Variants in GPATCH2L observed in about 807,000 individuals in gnomAD.
GPATCH2L encodes G-patch domain containing 2 like, also known as G patch domain-containing protein 2-like.
In GPATCH2L, 31 loss-of-function variants were observed where a neutral mutation model predicts 57.4. The observed-to-expected ratio is 0.54, with a 90% CI of 0.41 to 0.73. The LOEUF (loss-of-function observed/expected upper bound fraction) is 0.73, where lower values mean the gene tolerates loss of function less well. Ranked by LOEUF, GPATCH2L falls within the 30% of genes least tolerant of loss-of-function variation. The pLI is 0.00. For synonymous variants in GPATCH2L, 199 were observed against 210.7 expected, an observed-to-expected ratio of 0.94 and a Z score of 0.48; for missense variants, 481 against 599.9, an observed-to-expected ratio of 0.80 and a Z score of 2.07.
chr14:76,233,374 A>C (rs976904800), intron 2 of GPATCH2L, among the ~76,000 whole-genome samples: 7 of 152,212 alleles, frequency 4.6e-5, no homozygotes, highest in Non-Finnish European at 8.8e-5. Flanking sequence ...ATAGATACAA[A>C]GTGGTGGTTT....
chr14:76,184,067 G>T (rs929962055), intron 8 of GPATCH2L, among the ~76,000 whole-genome samples: 1 of 147,306 alleles, frequency 6.8e-6, no homozygotes, highest in Non-Finnish European at 1.5e-5. Flanking sequence ...TGTGTGTGTG[G>T]CGACAATGTT....
chr14:76,216,936 A>G (rs1180455601), downstream of GPATCH2L, among the ~76,000 whole-genome samples: 2 of 152,344 alleles, frequency 1.3e-5, no homozygotes, highest in South Asian at 2.1e-4. Context: ...AAGATGGATT[A>G]TAAAAATGAA....
intron 2 of GPATCH2L, among the ~76,000 whole-genome samples, chr14:76,162,226 A>G (rs973354937): frequency 3.9e-5 from 6 of 152,100 alleles, no homozygotes; most frequent in Admixed American, 3.3e-4. Context: ...GCTCACTCAC[A>G]TGGCTGTTGG....
intron 4 of GPATCH2L, among the ~76,000 whole-genome samples, chr14:76,172,940 C>G (rs2039152776): frequency 6.6e-6 from 1 of 152,148 alleles, no homozygotes; most frequent in African/African-American, 2.4e-5. Flanking sequence ...ATGAACATTT[C>G]TAAAAGTTTC....
Position 76,154,488 on chromosome 14 carries a change from G to A in GPATCH2L, c.125G>A (p.Arg42His). 2 of 1,614,196 alleles carry A rather than the reference G, an allele frequency of 1.2e-6. No homozygotes were observed. Among genetic ancestry groups the A allele is most frequent in the Non-Finnish European group, 1.7e-6 (2 of 1,180,050 alleles). ...PRQQRRQLRKRRGRKRRSDFT... is the reference protein window; with the variant it reads ...PRQQRRQLRKHRGRKRRSDFT... ...CAGCAGAGGCGGCAGCTTCGGAAAC[G>A]CCGAGGTCGGAAGCGTCGTTCTGAC... Residue 42 changes from arginine (R) to histidine (H), a missense_variant, in exon 2 of 10, where the codon CGC becomes CAC. By Grantham distance (29) the Arg-to-His change is conservative. Around this residue, in one of 3 missense-constraint regions of GPATCH2L, gnomAD observed 208 missense variants for 272.4 expected, o/e 0.76. Coordinates refer to ENST00000261530, the MANE Select transcript of GPATCH2L (RefSeq NM_017926.4). This position sits in a 1 kb window ranked among gnomAD's most constrained non-coding sequence, Gnocchi z 4.4.
intron 2 of GPATCH2L, among the ~76,000 whole-genome samples, chr14:76,233,246 C>T (rs1388423729): frequency 6.6e-6 from 1 of 152,190 alleles, no homozygotes; most frequent in Non-Finnish European, 1.5e-5. Flanking sequence ...CTTCCCAAGA[C>T]GAGACCAATT....
downstream of GPATCH2L, among the ~76,000 whole-genome samples, chr14:76,216,310 C>T (rs1388731052): frequency 1.3e-5 from 2 of 152,120 alleles, no homozygotes; most frequent in Non-Finnish European, 2.9e-5. Context: ...ATTTATGCTA[C>T]TTGTATGTTG....
intron 4 of GPATCH2L, among the ~76,000 whole-genome samples, chr14:76,172,466 G>T (rs1304710105): frequency 6.6e-6 from 1 of 152,186 alleles, no homozygotes; most frequent in African/African-American, 2.4e-5. Context: ...TTATTTTAAT[G>T]ACCCTATTGG....
At chr14:76,235,223 T>C (rs906372686) in intron 2 of GPATCH2L, among the ~76,000 whole-genome samples, 64 of 150,426 alleles carry the variant, frequency 4.3e-4, no homozygotes, top group Non-Finnish European at 1.3e-4. Flanking sequence ...TTCACCAAAC[T>C]ATATTGAATT....
chr14:76,164,971 G>T (rs1020856020), intron 2 of GPATCH2L, among the ~76,000 whole-genome samples: 1 of 152,180 alleles, frequency 6.6e-6, no homozygotes, highest in African/African-American at 2.4e-5. Context: ...AACAAGGAAA[G>T]CAAAATGTTA....
intron 2 of GPATCH2L, among the ~76,000 whole-genome samples, chr14:76,233,635 A>G (rs2040584911): frequency 6.6e-6 from 1 of 152,180 alleles, no homozygotes; most frequent in African/African-American, 2.4e-5. Flanking sequence ...ACATAATTTT[A>G]TCTTTAATAT....
rs3059799 is a variant in GPATCH2L at position 76,182,363 on chromosome 14, G to GAAAAA, written c.1193+1531_1193+1535dup. Reference sequence around the variant, plus strand: ...CAGAGCGAGACCCCGTCTCAGAAAAGAAAAAAAAAAAAAAAAAAAAAGAAT... The same window carrying GAAAAA: ...CAGAGCGAGACCCCGTCTCAGAAAAGAAAAAAAAAAAAAAAAAAAAAAAAAAGAAT... On this transcript the variant is annotated intron_variant, in intron 8 of 9. Transcript: ENST00000261530. Among the ~76,000 whole-genome samples, 315 of 85,524 alleles carry GAAAAA rather than the reference G, an allele frequency of 3.7e-3. 2 individuals are homozygous for GAAAAA. Among genetic ancestry groups the GAAAAA allele is most frequent in the Middle Eastern group, 0.015 (1 of 68 alleles). 56.1% of individuals were successfully genotyped at this position (85,524 alleles called of 152,430 possible). A position where few individuals can be genotyped will look rare whatever the true frequency, so the allele number is the denominator to read the frequency against.
intron 2 of GPATCH2L, among the ~76,000 whole-genome samples, chr14:76,159,541 C>G (rs2139573209): frequency 6.6e-6 from 1 of 152,100 alleles, no homozygotes; most frequent in Non-Finnish European, 1.5e-5. Flanking sequence ...AGGCTTTTAT[C>G]TCATACAGCT....
rs2040433423 is a variant in GPATCH2L at position 76,210,937 on chromosome 14, G to T, written c.*9086G>T. The T allele has an allele frequency of 6.6e-6, 1 of 152,160 alleles. No individual in the cohort carries two copies. Among genetic ancestry groups the T allele is most frequent in the Non-Finnish European group, 1.5e-5 (1 of 68,042 alleles). 9.4% of individuals were successfully genotyped at this position (152,160 alleles called of 1,614,324 possible). A position where few individuals can be genotyped will look rare whatever the true frequency, so the allele number is the denominator to read the frequency against. ...GCATTCCTGCTCTCATGATGTTCAT[G>T]GTCTTCTGCGGAAGAGACCAGAAAA... On this transcript the variant is annotated 3_prime_UTR_variant, in exon 10 of 10. Coordinates refer to ENST00000261530, the MANE Select transcript of GPATCH2L (RefSeq NM_017926.4).
intron 8 of GPATCH2L, among the ~76,000 whole-genome samples, chr14:76,188,304 C>A (rs975680000): frequency 6.6e-6 from 1 of 152,208 alleles, no homozygotes; most frequent in Non-Finnish European, 1.5e-5. Context: ...AACTATTCTG[C>A]ATAGTGGTTG....
Position 76,171,906 on chromosome 14 carries a change from ATCT to A in GPATCH2L, c.795_797del (p.Leu266del). 1 of 1,610,188 alleles carries A rather than the reference ATCT, an allele frequency of 6.2e-7. No individual in the cohort carries two copies. Among genetic ancestry groups the A allele is most frequent in the Non-Finnish European group, 8.5e-7 (1 of 1,176,916 alleles). On this transcript the variant is annotated inframe_deletion, in exon 4 of 10. Coordinates refer to ENST00000261530, the MANE Select transcript of GPATCH2L (RefSeq NM_017926.4). Reference sequence around the variant, plus strand: ...TGTGTCCCAGGATTCACTGTCCCTAATCTTCTGCCCAAGTGGGCTCCTGATCAT... The same window carrying A: ...TGTGTCCCAGGATTCACTGTCCCTAATCTGCCCAAGTGGGCTCCTGATCAT...
chr14:76,235,084 C>CT (rs1430042937), intron 2 of GPATCH2L, among the ~76,000 whole-genome samples: 1 of 150,618 alleles, frequency 6.6e-6, no homozygotes, highest in Non-Finnish European at 1.5e-5. Context: ...AGGAGAATTG[C>CT]TTGAACCCAG....
chr14:76,182,343 C>A (rs141968656), intron 8 of GPATCH2L, among the ~76,000 whole-genome samples: 5 of 111,906 alleles, frequency 4.5e-5, no homozygotes, highest in Admixed American at 4.1e-4. Flanking sequence ...GGGGACAGAG[C>A]GAGACCCCGT....
intron 2 of GPATCH2L, among the ~76,000 whole-genome samples, chr14:76,158,656 A>C (rs1469484542): frequency 6.6e-6 from 1 of 152,204 alleles, no homozygotes; most frequent in East Asian, 1.9e-4. Flanking sequence ...GAGCTGTGTA[A>C]AAGAATATGT....
Sources: gnomAD v4.1 joint callset for allele counts (sites outside exome capture counted in the v4.1 genomes callset) on GRCh38, gnomAD v4.1.1 for gene constraint, gnomAD v4.1.1 regional missense constraint, Gnocchi (gnomAD v3.1) non-coding constraint, MANE v1.5 for transcripts, NCBI Gene and HGNC (gene_info 2026-07-23, HGNC 2026-07-21) for gene names.